The following KLF17 variants were observed in gnomAD, a reference collection of about 807,000 sequenced individuals.
The protein encoded by KLF17 is KLF transcription factor 17, also known as Krueppel-like factor 17.
KLF17 carries 31 observed loss-of-function variants against 34.2 expected under a neutral mutation model. The ratio of observed to expected loss-of-function variants is 0.91; its 90% CI spans 0.68 to 1.22. The LOEUF (loss-of-function observed/expected upper bound fraction) is 1.22. Ranked by LOEUF, KLF17 falls within the 50% of genes most tolerant of loss-of-function variation. The pLI is 0.00. For missense variants in KLF17, 478 were observed against 505.2 expected, an observed-to-expected ratio of 0.95 and a Z score of 0.52; for synonymous variants, 179 against 186.7, an observed-to-expected ratio of 0.96 and a Z score of 0.34.
chr1:44,045,152 C>G, the KLF17 span: 1 of 152,134 alleles, frequency 6.6e-6, no homozygotes, highest in Non-Finnish European at 1.5e-5. Context: ...TCCACAGGGG[C>G]GGGATGTTCT....
chr1:44,122,261 T>G, intron 1 of KLF17: 1 of 1,603,036 alleles, frequency 6.2e-7, no homozygotes, highest in Non-Finnish European at 8.5e-7. Context: ...TCACCTTAGG[T>G]TCAACATCCA....
chr1:44,076,844 C>G, the KLF17 span: 2 of 150,928 alleles, frequency 1.3e-5, no homozygotes, highest in African/African-American at 4.9e-5. Flanking sequence ...CCCATCTCGG[C>G]CTCCCAAGTA....
At chr1:44,099,865 GAAAGAAAGAAAGA>G in the KLF17 span, among the ~76,000 whole-genome samples, 23 of 49,442 alleles carry the variant, frequency 4.7e-4, 3 homozygotes, top group African/African-American at 1.3e-3. Flanking sequence ...AAGAAAGAAA[GAAAGAAAGAAAGA>G]AAGAAAGAAA....
chr1:44,099,274 C>T, the KLF17 span, among the ~76,000 whole-genome samples: 3 of 151,750 alleles, frequency 2.0e-5, no homozygotes, highest in African/African-American at 7.3e-5. Flanking sequence ...CGTGGTGGCT[C>T]ACACCTGTGG....
At chr1:44,063,511 G>A in the KLF17 span, among the ~76,000 whole-genome samples, 27 of 152,198 alleles carry the variant, frequency 1.8e-4, no homozygotes, top group Non-Finnish European at 2.8e-4. Flanking sequence ...AAAGAAGCAA[G>A]CTGCTTCTTC....
At chr1:44,103,973 G>C in the KLF17 span, 1 of 858,654 alleles carries the variant, frequency 1.2e-6, no homozygotes, top group Non-Finnish European at 2.0e-6. Flanking sequence ...TGGCGATCTC[G>C]TACTGCGCCT....
chr1:44,077,277 G>C, the KLF17 span, among the ~76,000 whole-genome samples: 1 of 151,830 alleles, frequency 6.6e-6, no homozygotes, highest in Non-Finnish European at 1.5e-5. Context: ...CCTAAGAGGC[G>C]GAGGTTGCAG....
At chr1:44,127,228 C>G (rs1001455753) in intron 1 of KLF17, among the ~76,000 whole-genome samples, 1 of 152,006 alleles carries the variant, frequency 6.6e-6, no homozygotes, top group Non-Finnish European at 1.5e-5. Flanking sequence ...TATTTTAAAC[C>G]ATATTGCTAA....
the KLF17 span, among the ~76,000 whole-genome samples, chr1:44,098,581 C>T: frequency 3.9e-5 from 5 of 126,834 alleles, no homozygotes; most frequent in South Asian, 2.6e-4. Context: ...GACTGAGTCT[C>T]GTCCTGTCAC....
the KLF17 span, among the ~76,000 whole-genome samples, chr1:44,094,614 ATGTT>A: frequency 6.6e-6 from 1 of 152,192 alleles, no homozygotes; most frequent in South Asian, 2.1e-4. Context: ...TCCCCAATGT[ATGTT>A]TTTAGCACCT....
intron 1 of KLF17, among the ~76,000 whole-genome samples, chr1:44,128,341 C>T (rs1482521357): frequency 6.6e-6 from 1 of 152,148 alleles, no homozygotes; most frequent in Admixed American, 6.5e-5. Context: ...AGCCGCTGCG[C>T]CTGGACTACT....
Position 44,134,657 on chromosome 1 carries a change from C to T in KLF17, c.*1420C>T, listed in dbSNP as rs2429062. 0.36 allele frequency: 54,129 copies of T among 151,992 alleles called. 9,803 individuals carry two copies. The highest frequency in any genetic ancestry group is 0.44 in the South Asian group (2,125 of 4,824). The allele number at this position is 151,992 out of a possible 1,614,324, so 9.4% of individuals were successfully genotyped here. ...GCTTCTGATAGTAAAGGGGATGGTGCGATAGATTCAAGATGGAGAGATAAG... is the reference window on the plus strand; with the variant it reads ...GCTTCTGATAGTAAAGGGGATGGTGTGATAGATTCAAGATGGAGAGATAAG... On this transcript the variant is annotated 3_prime_UTR_variant, in exon 4 of 4. Transcript: ENST00000372299.
the KLF17 span, among the ~76,000 whole-genome samples, chr1:44,113,541 G>A: frequency 3.9e-5 from 6 of 152,134 alleles, no homozygotes; most frequent in Non-Finnish European, 8.8e-5. Flanking sequence ...TATCAGGGAA[G>A]GCATAAGACA....
intron 3 of KLF17, among the ~76,000 whole-genome samples, chr1:44,131,283 G>C (rs1248975841): frequency 6.6e-6 from 1 of 152,152 alleles, no homozygotes; most frequent in Admixed American, 6.6e-5. Context: ...GCTTCTGCTG[G>C]AGTTTAGTCA....
chr1:44,096,774 G>A, the KLF17 span, among the ~76,000 whole-genome samples: 2 of 152,034 alleles, frequency 1.3e-5, no homozygotes, highest in Non-Finnish European at 2.9e-5. Context: ...TTGCAAAAAA[G>A]TTCTCCCATT....
chr1:44,049,102 G>A, the KLF17 span, among the ~76,000 whole-genome samples: 2 of 152,130 alleles, frequency 1.3e-5, no homozygotes, highest in African/African-American at 4.8e-5. Context: ...TCTGGTGAGG[G>A]CTCTCTTCCT....
chr1:44,099,062 G>GTAA, the KLF17 span, among the ~76,000 whole-genome samples: 1 of 151,962 alleles, frequency 6.6e-6, no homozygotes, highest in Non-Finnish European at 1.5e-5. Context: ...AAAGCAAAGT[G>GTAA]CAAAAGAGTA....
chr1:44,073,771 C>T, the KLF17 span, among the ~76,000 whole-genome samples: 1,187 of 152,286 alleles, frequency 7.8e-3, 14 homozygotes, highest in Middle Eastern at 0.051. Flanking sequence ...CCCTCGGCTC[C>T]AGTGTCTGCT....
chr1:44,058,342 G>A, the KLF17 span, among the ~76,000 whole-genome samples: 12 of 152,006 alleles, frequency 7.9e-5, no homozygotes, highest in Non-Finnish European at 1.2e-4. Flanking sequence ...CAAGCTGATC[G>A]TGCAGTGGCA....
Sources: gnomAD v4.1 joint callset for allele counts (sites outside exome capture counted in the v4.1 genomes callset) on GRCh38, gnomAD v4.1.1 for gene constraint, MANE v1.5 for transcripts, NCBI Gene and HGNC (gene_info 2026-07-23, HGNC 2026-07-21) for gene names.